PNPT1: variants seen among roughly 807,000 people sequenced by gnomAD.
PNPT1 encodes polyribonucleotide nucleotidyltransferase 1, mitochondrial.
A neutral mutation model predicts 119.5 loss-of-function variants in PNPT1; 53 were observed. The ratio of observed to expected loss-of-function variants is 0.44; its 90% CI spans 0.36 to 0.56. The LOEUF (loss-of-function observed/expected upper bound fraction) is 0.56, where lower values mean the gene tolerates loss of function less well. PNPT1 is among the 20% of genes least tolerant of loss of function. The probability of loss-of-function intolerance (pLI) is 0.00; values close to 1 mark genes in which losing one functional copy is unlikely to be tolerated. For synonymous variants in PNPT1, 357 were observed against 322.1 expected (o/e 1.11, Z -1.16); for missense variants, 948 against 938.5 (o/e 1.01, Z -0.13).
At chr2:55,651,135 G>A (rs574041264) in intron 18 of PNPT1, among the ~76,000 whole-genome samples, 3,394 of 140,800 alleles carry the variant, frequency 0.024, 36 homozygotes, top group Middle Eastern at 0.041. Context: ...GCCTCTGCCC[G>A]GCCGCCCCTA....
At chr2:55,656,873 AAGCAAAAC>A (rs1696404193) in intron 15 of PNPT1, among the ~76,000 whole-genome samples, 1 of 152,228 alleles carries the variant, frequency 6.6e-6, no homozygotes, top group Admixed American at 6.5e-5. Flanking sequence ...AGTATTTCTC[AAGCAAAAC>A]ACAATGACAA....
intron 17 of PNPT1, among the ~76,000 whole-genome samples, chr2:55,655,487 T>C (rs1007323740): frequency 6.6e-6 from 1 of 152,232 alleles, no homozygotes. Flanking sequence ...TGCATATCTT[T>C]TGTCTTGCTT....
At chr2:55,691,870 ATATATATATTTTTTTTTTT>A (rs1307031954) in intron 1 of PNPT1, among the ~76,000 whole-genome samples, 347 of 12,252 alleles carry the variant, frequency 0.028, 3 homozygotes, top group Admixed American at 0.048. Flanking sequence ...ATATATATAT[ATATATATATTTTTTTTTTT>A]TTTTTTTTTT....
At position 55,643,529 on chromosome 2, in the gene PNPT1, G is replaced by C. The variant is rs1201913728; in HGVS notation, c.1907-104C>G. 17 of 959,970 alleles carry C rather than the reference G, an allele frequency of 1.8e-5. No individual in the cohort carries two copies. In the Admixed American group the frequency reaches 1.9e-4, roughly 11 times the overall value. The allele number at this position is 959,970 out of a possible 1,614,324, so 59.5% of individuals were successfully genotyped here. On this transcript the variant is annotated intron_variant, in intron 23 of 27. Transcript: ENST00000447944. ...GGGGGCTGAGGTGGGAGGATCACTT[G>C]AGCTCAGGAGTTCAAGGCCAGCCTG...
chr2:55,685,106 G>A (rs1697361191), intron 3 of PNPT1, 58 bp from the exon 4 acceptor site: 1 of 1,280,048 alleles, frequency 7.8e-7, no homozygotes, highest in Non-Finnish European at 1.1e-6. Flanking sequence ...AAACTATACT[G>A]TATGAATGCT....
At chr2:55,667,754 T>C (rs1696780929) in intron 12 of PNPT1, 108 bp downstream of exon 12, 1 of 1,364,146 alleles carries the variant, frequency 7.3e-7, no homozygotes, top group Non-Finnish European at 9.9e-7. Flanking sequence ...TATAATTCTT[T>C]ACTGTTCACT....
In PNPT1 at chr2:55,671,976, A is replaced by G; in HGVS notation, c.918+19T>C. The stretch of plus-strand genomic sequence containing the variant: ...TATTCCTAGGGCAATTATGGAAGAC[A>G]AAACTCAGGTATACCTACTTTGTCA... On this transcript the variant is annotated intron_variant, in intron 10 of 27. Coordinates refer to ENST00000447944, the MANE Select transcript of PNPT1 (RefSeq NM_033109.5). 6.4e-7 allele frequency: 1 copy of G among 1,571,238 alleles called. No individual in the cohort carries two copies. Among genetic ancestry groups the G allele is most frequent in the South Asian group, 1.2e-5 (1 of 84,372 alleles).
At position 55,671,794 on chromosome 2, in the gene PNPT1, A is replaced by G. The variant is rs2627771; in HGVS notation, c.918+201T>C. On this transcript the variant is annotated intron_variant, in intron 10 of 27. Coordinates refer to ENST00000447944, the MANE Select transcript of PNPT1 (RefSeq NM_033109.5). ...GTGAGCTGAGATCATGCCACTGCAC[A>G]CCAGCCTGGGCGACAGAGAGAGACT... Among the ~76,000 whole-genome samples the G allele has an allele frequency of 0.93, 141,548 of 152,276 alleles. 66,334 individuals are homozygous for G. Among genetic ancestry groups the G allele is most frequent in the African/African-American group, 0.96 (40,028 of 41,576 alleles).
chr2:55,666,310 G>A (rs1427209309), intron 13 of PNPT1, among the ~76,000 whole-genome samples: 2 of 152,104 alleles, frequency 1.3e-5, no homozygotes, highest in African/African-American at 2.4e-5. Flanking sequence ...CCAGGCTGGA[G>A]TGCAATGGCA....
chr2:55,688,765 A>G (rs1443724624), intron 1 of PNPT1, among the ~76,000 whole-genome samples: 1 of 151,704 alleles, frequency 6.6e-6, no homozygotes, highest in Non-Finnish European at 1.5e-5. Flanking sequence ...AACAACAACA[A>G]CAAAAAACTT....
rs778557492 is a variant in PNPT1, at chr2:55,688,543, G to A, written c.162-838C>T. Reference sequence around the variant, plus strand: ...AGTTCAAGACCAGCCTGGCCAACATGGTGAAATCCCATCTCTACAAAAAAT... The same window carrying A: ...AGTTCAAGACCAGCCTGGCCAACATAGTGAAATCCCATCTCTACAAAAAAT... On this transcript the variant is annotated intron_variant, in intron 1 of 27. Coordinates refer to ENST00000447944, the MANE Select transcript of PNPT1 (RefSeq NM_033109.5). Among the ~76,000 whole-genome samples the A allele has an allele frequency of 3.9e-5, 6 of 152,058 alleles. No homozygotes were observed. The South Asian group carries it at 1.0e-3, about 26-fold the overall frequency.
chr2:55,684,214 C>T (rs886080836), intron 4 of PNPT1, among the ~76,000 whole-genome samples: 3 of 152,160 alleles, frequency 2.0e-5, no homozygotes, highest in Non-Finnish European at 4.4e-5. Flanking sequence ...AATTTCTGGC[C>T]GAGCACAGTG....
Position 55,643,320 on chromosome 2 carries a change from T to A in PNPT1, c.2012A>T (p.Asp671Val), listed in dbSNP as rs144252007. The A allele has an allele frequency of 1.2e-6, 2 of 1,613,882 alleles. No homozygotes were observed. The highest frequency in any genetic ancestry group is 1.7e-6 in the Non-Finnish European group (2 of 1,179,734). The change falls in exon 24 of 28, where the codon GAT becomes GTT. Residue 671 changes from aspartate to valine, a missense_variant and splice_region_variant. Coordinates refer to ENST00000447944, the MANE Select transcript of PNPT1 (RefSeq NM_033109.5). Reference sequence around the variant, plus strand: ...GTAATTAATATGATCTATACTTACATCATCCTTGCAGATTTCAGTAATGAA... The same window carrying A: ...GTAATTAATATGATCTATACTTACAACATCCTTGCAGATTTCAGTAATGAA... ...RDFITEICKD[D>V]QEQQLEFGAV...
At chr2:55,659,132 T>G (rs1261833722) in intron 15 of PNPT1, among the ~76,000 whole-genome samples, 1 of 152,096 alleles carries the variant, frequency 6.6e-6, no homozygotes, top group Non-Finnish European at 1.5e-5. Context: ...TTTTTAGATC[T>G]TCTTGTAGAG....
At chr2:55,681,182 G>GATCACCTGAGGTGGGCC in intron 5 of PNPT1, among the ~76,000 whole-genome samples, 1 of 151,888 alleles carries the variant, frequency 6.6e-6, no homozygotes, top group Middle Eastern at 3.4e-3. Flanking sequence ...TGAGGAGGGC[G>GATCACCTGAGGTGGGCC]GATCACCTGA....
intron 1 of PNPT1, among the ~76,000 whole-genome samples, chr2:55,691,879 T>TATATATA (rs1491131806): frequency 8.3e-4 from 7 of 8,482 alleles, no homozygotes; most frequent in Non-Finnish European, 1.2e-3. Context: ...TATATATATA[T>TATATATA]TTTTTTTTTT....
chr2:55,691,532 C>A (rs1291439488), intron 1 of PNPT1, among the ~76,000 whole-genome samples: 1 of 152,030 alleles, frequency 6.6e-6, no homozygotes, highest in East Asian at 1.9e-4. Context: ...AAAGAACTAC[C>A]TACAAAAGAG....
intron 27 of PNPT1, among the ~76,000 whole-genome samples, chr2:55,636,831 CA>C (rs1205240388): frequency 1.3e-5 from 2 of 152,074 alleles, no homozygotes; most frequent in Non-Finnish European, 2.9e-5. Context: ...AAATGAAAGT[CA>C]GGGGCAAATG....
intron 1 of PNPT1, among the ~76,000 whole-genome samples, chr2:55,689,307 T>C (rs1042644424): frequency 2.0e-5 from 3 of 152,178 alleles, no homozygotes; most frequent in East Asian, 1.9e-4. Context: ...AAAAAAGACA[T>C]ACAAATGGCC....
Sources: allele counts gnomAD v4.1 joint callset (sites outside exome capture counted in the v4.1 genomes callset), GRCh38; gene constraint gnomAD v4.1.1; transcripts MANE v1.5; gene names NCBI Gene and HGNC (gene_info 2026-07-23, HGNC 2026-07-21).